ANXA6: variants seen among roughly 807,000 people sequenced by gnomAD.
The protein encoded by ANXA6 is 67 kDa calelectrin.
A neutral mutation model predicts 95.4 loss-of-function variants in ANXA6; 71 were observed. That is an observed-to-expected ratio of 0.74 (90% CI 0.61 to 0.91). The LOEUF (loss-of-function observed/expected upper bound fraction) is 0.91. Ranked by LOEUF, ANXA6 falls within the 40% of genes least tolerant of loss-of-function variation. The pLI is 0.00. For missense variants in ANXA6, 830 were observed against 876.4 expected, an observed-to-expected ratio of 0.95 and a Z score of 0.67; for synonymous variants, 289 against 315.9, an observed-to-expected ratio of 0.91 and a Z score of 0.90.
intron 2 of ANXA6, among the ~76,000 whole-genome samples, chr5:151,147,597 T>C (rs1766004042): frequency 1.3e-5 from 2 of 152,138 alleles, no homozygotes; most frequent in African/African-American, 4.8e-5. Context: ...CTTGACACTA[T>C]CATTTGGAAA....
chr5:151,137,262 C>T lies in ANXA6; in HGVS notation c.378G>A (p.Gln126=), dbSNP rs767063661. Residue 126 remains glutamine (Q), a synonymous_variant, in exon 6 of 26, where the codon CAG becomes CAA. Transcript: ENST00000354546. ...IEILASRTNE[Q]MHQLVAAYKD... ...TGTATGCTGCCACCAGCTGGTGCAT[C>T]TGCTCATTGGTCCGGGAAGCCAAGA... 4 of 1,613,768 alleles carry T rather than the reference C, an allele frequency of 2.5e-6. No individual in the cohort carries two copies. The Admixed American group carries it at 6.7e-5, about 27-fold the overall frequency.
Position 151,117,776 on chromosome 5 carries a change from G to A in ANXA6, c.1500C>T (p.Ile500=). ...SSDTSGHFRR[I]LISLATGHRE... is the part of the protein sequence containing the mutation. Reference sequence around the variant, plus strand: ...CACTCACCGTGGCCAGAGAAATGAGGATCCTCCTGAAGTGGCCAGATGTGT... The same window carrying A: ...CACTCACCGTGGCCAGAGAAATGAGAATCCTCCTGAAGTGGCCAGATGTGT... The change falls in exon 19 of 26, where the codon ATC becomes ATT. Residue 500 remains isoleucine (I), a synonymous_variant. Transcript: ENST00000354546. 6.2e-7 allele frequency: 1 copy of A among 1,613,740 alleles called. No homozygotes were observed. Among genetic ancestry groups the A allele is most frequent in the East Asian group, 2.2e-5 (1 of 44,866 alleles).
At chr5:151,137,603 T>C (rs1344942292) in intron 5 of ANXA6, among the ~76,000 whole-genome samples, 1 of 152,198 alleles carries the variant, frequency 6.6e-6, no homozygotes, top group Non-Finnish European at 1.5e-5. Context: ...TTCTCATGAA[T>C]AGTTAGCACC....
chr5:151,105,328 G>A (rs868531), intron 23 of ANXA6, 25 bp from the exon 24 acceptor site: 337,991 of 1,610,858 alleles, frequency 0.21, 39,641 homozygotes, highest in East Asian at 0.42. Context: ...AGAGAGATGC[G>A]GGGAACGTGG....
At chr5:151,135,592 G>C (rs1217315832) in intron 7 of ANXA6, among the ~76,000 whole-genome samples, 1 of 152,238 alleles carries the variant, frequency 6.6e-6, no homozygotes, top group East Asian at 1.9e-4. Context: ...TGTGGTCACA[G>C]AGATACCTAC....
At chr5:151,145,334 C>T (rs1182210879) in intron 2 of ANXA6, among the ~76,000 whole-genome samples, 1 of 152,224 alleles carries the variant, frequency 6.6e-6, no homozygotes, top group Non-Finnish European at 1.5e-5. Context: ...CTCCACAGCT[C>T]CTAGAAGTCC....
At chr5:151,104,992 A>G (rs918064520) in intron 24 of ANXA6, among the ~76,000 whole-genome samples, 2 of 152,260 alleles carry the variant, frequency 1.3e-5, no homozygotes, top group African/African-American at 4.8e-5. Flanking sequence ...GGTAGCAACA[A>G]TCTCCAAGTT....
intron 11 of ANXA6, among the ~76,000 whole-genome samples, chr5:151,129,992 A>G (rs1765450002): frequency 6.6e-6 from 1 of 152,126 alleles, no homozygotes; most frequent in South Asian, 2.1e-4. Flanking sequence ...ATGAGCCACC[A>G]TGCCCGGCCC....
intron 1 of ANXA6, among the ~76,000 whole-genome samples, chr5:151,149,658 C>T (rs1323330865): frequency 6.6e-6 from 1 of 152,050 alleles, no homozygotes; most frequent in Non-Finnish European, 1.5e-5. Flanking sequence ...GGCTAATTTT[C>T]GTATTTTTAG....
intron 1 of ANXA6, among the ~76,000 whole-genome samples, chr5:151,149,367 A>G (rs35414841): frequency 0.62 from 93,436 of 151,870 alleles, 29,080 homozygotes; most frequent in East Asian, 0.87. Flanking sequence ...TAAGAGAAGC[A>G]GGTAGGGAGC....
At chr5:151,126,364 T>A (rs1765315080) in intron 14 of ANXA6, 38 bp downstream of exon 14, 1 of 1,555,890 alleles carries the variant, frequency 6.4e-7, no homozygotes, top group African/African-American at 1.4e-5. Flanking sequence ...AGAGAAGCTG[T>A]GGTCAAGAGG....
intron 23 of ANXA6, among the ~76,000 whole-genome samples, chr5:151,107,152 C>T (rs1316464099): frequency 6.6e-6 from 1 of 152,098 alleles, no homozygotes; most frequent in Admixed American, 6.5e-5. Flanking sequence ...AACCTGCGTG[C>T]AACTAACTTT....
intron 1 of ANXA6, among the ~76,000 whole-genome samples, chr5:151,152,732 G>A (rs1465003544): frequency 6.6e-6 from 1 of 152,080 alleles, no homozygotes; most frequent in East Asian, 1.9e-4. Flanking sequence ...CATGTATAAA[G>A]TTAAAGAAAA....
At chr5:151,120,613 G>C (rs1346274536) in intron 17 of ANXA6, among the ~76,000 whole-genome samples, 1 of 152,122 alleles carries the variant, frequency 6.6e-6, no homozygotes, top group Non-Finnish European at 1.5e-5. Context: ...CAGCTACTCA[G>C]GAGGCTGAGG....
intron 2 of ANXA6, among the ~76,000 whole-genome samples, chr5:151,147,384 A>G (rs1766000277): frequency 6.6e-6 from 1 of 152,212 alleles, no homozygotes; most frequent in Admixed American, 6.5e-5. Flanking sequence ...CCAAGAAAGA[A>G]CAGGTTACTC....
chr5:151,118,092 C>T (rs566654255), intron 18 of ANXA6, among the ~76,000 whole-genome samples: 14 of 152,246 alleles, frequency 9.2e-5, no homozygotes, highest in African/African-American at 2.9e-4. Flanking sequence ...CATTGCATCT[C>T]GCCTTTAATA....
chr5:151,121,408 T>A (rs1765163848), intron 17 of ANXA6, among the ~76,000 whole-genome samples: 1 of 152,256 alleles, frequency 6.6e-6, no homozygotes, highest in Admixed American at 6.5e-5. Context: ...CAGTAGCCAT[T>A]AGTACAATTG....
At chr5:151,106,474 T>C (rs1248446925) in intron 23 of ANXA6, among the ~76,000 whole-genome samples, 1 of 151,994 alleles carries the variant, frequency 6.6e-6, no homozygotes, top group African/African-American at 2.4e-5. Flanking sequence ...CTTACATATC[T>C]CCCTACTACC....
chr5:151,105,111 A>C (rs1764660460), intron 24 of ANXA6, 134 bp downstream of exon 24: 2 of 841,730 alleles, frequency 2.4e-6, no homozygotes. Context: ...AGACAAGGGC[A>C]GATGCTAATA....
Sources: gnomAD v4.1 joint callset for allele counts (sites outside exome capture counted in the v4.1 genomes callset) on GRCh38, gnomAD v4.1.1 for gene constraint, MANE v1.5 for transcripts, NCBI Gene and HGNC (gene_info 2026-07-23, HGNC 2026-07-21) for gene names.